LAMA2: variants seen among roughly 807,000 people sequenced by gnomAD.
LAMA2 encodes laminin subunit alpha-2.
LAMA2 carries 269 observed loss-of-function variants against 364.8 expected under a neutral mutation model. The ratio of observed to expected loss-of-function variants is 0.74; its 90% CI spans 0.67 to 0.82. The LOEUF (loss-of-function observed/expected upper bound fraction) is 0.82, where lower values mean the gene tolerates loss of function less well. Among genes scored for constraint, LAMA2 ranks in the 40% least tolerant of loss-of-function variants. The pLI, the probability that LAMA2 is intolerant of heterozygous loss-of-function variation, is 0.00. For synonymous variants in LAMA2, 1,379 were observed against 1,370.6 expected (o/e 1.01, Z -0.14); for missense variants, 3,807 against 3,873.2 (o/e 0.98, Z 0.45).
intron 1 of LAMA2, among the ~76,000 whole-genome samples, chr6:128,931,201 C>A (rs1779452262): frequency 6.6e-6 from 1 of 152,154 alleles, no homozygotes. Context: ...AGAAATTTAT[C>A]ATAAAGGATA....
At chr6:129,410,977 A>G (rs1780513267) in intron 40 of LAMA2, among the ~76,000 whole-genome samples, 1 of 152,178 alleles carries the variant, frequency 6.6e-6, no homozygotes, top group Non-Finnish European at 1.5e-5. Context: ...TCTGTAAGGC[A>G]GAAAAGAAGG....
At chr6:129,105,505 A>T (rs1775766811) in intron 4 of LAMA2, among the ~76,000 whole-genome samples, 1 of 152,178 alleles carries the variant, frequency 6.6e-6, no homozygotes, top group East Asian at 1.9e-4. Flanking sequence ...TATATTTTAA[A>T]CAAGTACTCT....
At chr6:128,920,470 T>A (rs1778629593) in intron 1 of LAMA2, among the ~76,000 whole-genome samples, 1 of 152,108 alleles carries the variant, frequency 6.6e-6, no homozygotes, top group African/African-American at 2.4e-5. Flanking sequence ...TGCTCCATTT[T>A]TATAGTTTCT....
chr6:129,072,179 A>T (rs1773361792), intron 3 of LAMA2, among the ~76,000 whole-genome samples: 1 of 152,124 alleles, frequency 6.6e-6, no homozygotes, highest in Non-Finnish European at 1.5e-5. Flanking sequence ...AAGAATGCAG[A>T]TTCTATAGTT....
At chr6:129,210,984 A>G (rs142854272) in intron 12 of LAMA2, among the ~76,000 whole-genome samples, 229 of 152,310 alleles carry the variant, frequency 1.5e-3, no homozygotes, top group Non-Finnish European at 2.7e-3. Flanking sequence ...AGCTCTACCT[A>G]CATTATGTCC....
chr6:129,302,996 C>A (rs1773641836), intron 22 of LAMA2, among the ~76,000 whole-genome samples: 2 of 152,140 alleles, frequency 1.3e-5, no homozygotes, highest in African/African-American at 4.8e-5. Flanking sequence ...TACCAAAAAG[C>A]CTGCTAGGAT....
intron 12 of LAMA2, among the ~76,000 whole-genome samples, chr6:129,245,349 T>C (rs1335124381): frequency 6.6e-6 from 1 of 152,144 alleles, no homozygotes; most frequent in Non-Finnish European, 1.5e-5. Context: ...TGGAAAACCA[T>C]ATTTCTCTAG....
At chr6:129,441,196 CT>C (rs1782099195) in intron 43 of LAMA2, among the ~76,000 whole-genome samples, 198 bp downstream of exon 43, 3 of 152,090 alleles carry the variant, frequency 2.0e-5, no homozygotes, top group Admixed American at 6.6e-5. Context: ...TGCCCCGGTG[CT>C]TTTTTCCTCT....
At chr6:129,340,010 A>AG (rs1167302360) in intron 29 of LAMA2, among the ~76,000 whole-genome samples, 1 of 151,838 alleles carries the variant, frequency 6.6e-6, no homozygotes, top group Non-Finnish European at 1.5e-5. Flanking sequence ...AAAAAAAAAA[A>AG]AAAGAAAGAA....
At chr6:129,503,825 G>T (rs976934795) in intron 60 of LAMA2, among the ~76,000 whole-genome samples, 2 of 152,102 alleles carry the variant, frequency 1.3e-5, no homozygotes, top group Admixed American at 1.3e-4. Context: ...GTGTTTAAAG[G>T]GCTCTAAGGT....
In LAMA2 at chr6:129,453,024, C is replaced by T. The variant is rs922640025; in HGVS notation, c.6466C>T (p.Arg2156Ter). The T allele has an allele frequency of 1.9e-6, 3 of 1,612,470 alleles. No homozygotes were observed. The highest frequency in any genetic ancestry group is 1.3e-5 in the African/African-American group (1 of 74,922). The change falls in exon 46 of 65, where the codon CGA (arginine) becomes TGA (stop). Residue 2156 changes from arginine to a stop codon, truncating the protein, a stop_gained. Transcript: ENST00000421865. LOFTEE classifies it high-confidence loss of function. ...VSVSSGGDCIRTYKPEIKKGS... is the reference protein window; with the variant it reads ...VSVSSGGDCI ...TGTGTCTTCAGGAGGTGACTGCATT[C>T]GAACATACAAACCAGAAATCAAGAA...
chr6:129,347,187 A>G (rs1776601614), intron 30 of LAMA2, among the ~76,000 whole-genome samples: 1 of 152,152 alleles, frequency 6.6e-6, no homozygotes, highest in Non-Finnish European at 1.5e-5. Context: ...CAGCATTTGC[A>G]GATAGGAGAT....
chr6:129,100,585 C>G (rs1348672788), intron 4 of LAMA2, among the ~76,000 whole-genome samples: 5 of 152,166 alleles, frequency 3.3e-5, no homozygotes, highest in Non-Finnish European at 1.5e-5. Context: ...ATTGAGGTCT[C>G]TGATTCTCAG....
intron 14 of LAMA2, among the ~76,000 whole-genome samples, chr6:129,259,748 A>G (rs568684266): frequency 6.6e-6 from 1 of 151,998 alleles, no homozygotes; most frequent in Admixed American, 6.6e-5. Flanking sequence ...TGGTGTATGG[A>G]CTATTATATT....
At chr6:129,407,140 G>A (rs2114703819) in intron 40 of LAMA2, among the ~76,000 whole-genome samples, 1 of 152,088 alleles carries the variant, frequency 6.6e-6, no homozygotes, top group East Asian at 1.9e-4. Flanking sequence ...CCACATTGAG[G>A]GTGGGTCTGC....
rs183355739 is a variant in LAMA2 at position 128,959,137 on chromosome 6, T to C, written c.112+75780T>C. Among the ~76,000 whole-genome samples the C allele has an allele frequency of 5.3e-5, 8 of 152,338 alleles. No homozygotes were observed. The East Asian group carries it at 1.5e-3, about 29-fold the overall frequency. On this transcript the variant is annotated intron_variant, in intron 1 of 64. Coordinates refer to ENST00000421865, the MANE Select transcript of LAMA2 (RefSeq NM_000426.4). ...TAATAATTGCTTTGTTTTGAAAAAT[T>C]AGTCTTAGTTTACTACATACATTTT...
chr6:129,343,548 A>G (rs1339352384), intron 30 of LAMA2, among the ~76,000 whole-genome samples: 1 of 152,176 alleles, frequency 6.6e-6, no homozygotes, highest in East Asian at 1.9e-4. Context: ...ATGAAAAATA[A>G]CATTATTTTT....
intron 12 of LAMA2, among the ~76,000 whole-genome samples, chr6:129,202,466 T>C (rs1013029999): frequency 2.0e-4 from 30 of 152,048 alleles, no homozygotes; most frequent in African/African-American, 7.0e-4. Flanking sequence ...TTCCTTTACG[T>C]GAAGGGGCAG....
At chr6:128,986,714 A>G (rs1783260893) in intron 1 of LAMA2, among the ~76,000 whole-genome samples, 1 of 152,106 alleles carries the variant, frequency 6.6e-6, no homozygotes, top group South Asian at 2.1e-4. Flanking sequence ...AGGCATCTAC[A>G]ATCAAATTAC....
Sources: gnomAD v4.1 joint callset for allele counts (sites outside exome capture counted in the v4.1 genomes callset) on GRCh38, gnomAD v4.1.1 for gene constraint, MANE v1.5 for transcripts, NCBI Gene and HGNC (gene_info 2026-07-23, HGNC 2026-07-21) for gene names.